MED13: variants seen among roughly 807,000 people sequenced by gnomAD.
The protein encoded by MED13 is mediator of RNA polymerase II transcription subunit 13.
Under a neutral mutation model 225.2 loss-of-function variants are expected in MED13, and 23 were observed. The observed-to-expected ratio is 0.10, with a 90% CI of 0.07 to 0.14. MED13 has a LOEUF of 0.14. MED13 is among the 10% of genes least tolerant of loss of function. MED13 has a pLI of 1.00. For missense variants in MED13, 2,197 were observed against 2,594.5 expected, an observed-to-expected ratio of 0.85 and a Z score of 3.33; for synonymous variants, 942 against 889.2, an observed-to-expected ratio of 1.06 and a Z score of -1.06.
chr17:61,984,209 C>T lies in MED13; in HGVS notation c.2850G>A (p.Leu950=). 6.2e-7 allele frequency: 1 copy of T among 1,601,554 alleles called. No homozygotes were observed. Among genetic ancestry groups the T allele is most frequent in the Non-Finnish European group, 8.5e-7 (1 of 1,175,250 alleles). ...RQSWTVGKLE[L]LSSGPSMPFI... ...ATGGCATTGAAGGCCCTGAAGAAAGCAATTCCAATTTTCCAACAGTCCAAC... is the reference window on the plus strand; with the variant it reads ...ATGGCATTGAAGGCCCTGAAGAAAGTAATTCCAATTTTCCAACAGTCCAAC... The change falls in exon 15 of 30, where the codon TTG becomes TTA. Residue 950 remains leucine, a synonymous_variant. Coordinates refer to ENST00000397786, the MANE Select transcript of MED13 (RefSeq NM_005121.3).
At chr17:61,995,943 A>G (rs1389366710) in intron 9 of MED13, among the ~76,000 whole-genome samples, 2 of 152,214 alleles carry the variant, frequency 1.3e-5, no homozygotes, top group African/African-American at 4.8e-5. Context: ...CAGTGCAAGT[A>G]TCTGAGTTTT....
chr17:61,960,875 A>C lies in MED13; in HGVS notation c.5472T>G (p.Val1824=). ...LLETCIINID[V]PNRARRKKSS... is the part of the protein sequence containing the mutation. ...TAGGGAAATACAAATACCTATTTGG[A>C]ACATCGATGTTAATGATACAAGTTT... The change falls in exon 23 of 30, where the codon GTT becomes GTG. Residue 1824 remains valine (V), a synonymous_variant. Transcript: ENST00000397786. The C allele has an allele frequency of 3.1e-6, 5 of 1,597,414 alleles. No individual in the cohort carries two copies. The highest frequency in any genetic ancestry group is 4.3e-6 in the Non-Finnish European group (5 of 1,166,458).
At chr17:62,006,480 T>C (rs2080449980) in intron 9 of MED13, 1 of 152,174 alleles carries the variant, frequency 6.6e-6, no homozygotes, top group Non-Finnish European at 1.5e-5. Flanking sequence ...CTTCCAAAAA[T>C]TCCCCATCCA....
chr17:61,976,701 G>A lies in MED13; in HGVS notation c.3806-3813C>T, dbSNP rs766088256. Reference sequence around the variant, plus strand: ...TGTAATCCCAGCACTTTGGGAGGCCGAGGCAGGTGGATCACGAGGTCAGGA... The same window carrying A: ...TGTAATCCCAGCACTTTGGGAGGCCAAGGCAGGTGGATCACGAGGTCAGGA... On this transcript the variant is annotated intron_variant, in intron 16 of 29. Transcript: ENST00000397786. Among the ~76,000 whole-genome samples the A allele has an allele frequency of 7.9e-5, 12 of 152,234 alleles. No homozygotes were observed. In the East Asian group the frequency reaches 1.5e-3, roughly 20 times the overall value.
chr17:62,000,238 C>T (rs977099094), intron 9 of MED13, among the ~76,000 whole-genome samples: 108 of 152,216 alleles, frequency 7.1e-4, no homozygotes, highest in African/African-American at 2.4e-3. Context: ...TTTCTCCTAC[C>T]GTAATTTTCT....
rs2080218930 is a variant in MED13 at position 61,983,086 on chromosome 17, C to T, written c.2917G>A (p.Gly973Ser). ...GDGSNMDQEY[G>S]TAYTPQTHTS... ...TGAGTTTGAGGTGTATAAGCAGTGC[C>T]ATATTCTTGATCCATATTACTTCCA... Residue 973 changes from glycine to serine, a missense_variant, in exon 16 of 30, where the codon GGC (glycine) becomes AGC (serine). Transcript: ENST00000397786. 1 of 1,611,054 alleles carries T rather than the reference C, an allele frequency of 6.2e-7. No homozygotes were observed. The highest frequency in any genetic ancestry group is 8.5e-7 in the Non-Finnish European group (1 of 1,178,406).
chr17:61,984,920 T>C, intron 13 of MED13, 55 bp from the exon 14 acceptor site: 10 of 1,595,638 alleles, frequency 6.3e-6, no homozygotes, highest in Non-Finnish European at 8.6e-6. Context: ...CGAATCTGTG[T>C]TTAAACCAAA....
At position 62,057,536 on chromosome 17, in the gene MED13, T is replaced by C. The variant is rs4531801; in HGVS notation, c.302-4831A>G. Among the ~76,000 whole-genome samples, 969 of 151,090 alleles carry C rather than the reference T, an allele frequency of 6.4e-3. 9 individuals are homozygous for C. Among genetic ancestry groups the C allele is most frequent in the African/African-American group, 0.022 (915 of 41,556 alleles). On this transcript the variant is annotated intron_variant, in intron 2 of 29. Coordinates refer to ENST00000397786, the MANE Select transcript of MED13 (RefSeq NM_005121.3). ...GAAATAAATTACTCTCTTTAGACTA[T>C]GTGGGGCACACAACAATGTTTTAGT...
At position 62,058,222 on chromosome 17, in the gene MED13, A is replaced by T. The variant is rs181910279; in HGVS notation, c.301+4845T>A. ...AACAAAGCTACAAAATACAATTTTT[A>T]AAAAAAAGGGGCCAGGCATGGTGGC... On this transcript the variant is annotated intron_variant, in intron 2 of 29. Transcript: ENST00000397786. 4.4e-3 allele frequency among the ~76,000 whole-genome samples: 662 copies of T among 152,002 alleles called. 2 individuals carry two copies. The highest frequency in any genetic ancestry group is 5.9e-3 in the Non-Finnish European group (403 of 67,944).
At chr17:62,034,582 ACTAAGAAAAAGCATT>A (rs1229839621) in intron 4 of MED13, among the ~76,000 whole-genome samples, 1 of 152,082 alleles carries the variant, frequency 6.6e-6, no homozygotes, top group Non-Finnish European at 1.5e-5. Flanking sequence ...TTTGACTCCC[ACTAAGAAAAAGCATT>A]CTAAGAAAAA....
intron 4 of MED13, among the ~76,000 whole-genome samples, chr17:62,034,656 T>C (rs2080787035): frequency 6.6e-6 from 1 of 152,176 alleles, no homozygotes. Context: ...ATATTTATAA[T>C]GTACTGCCAT....
chr17:61,949,514 G>A (rs2079878967), intron 28 of MED13, among the ~76,000 whole-genome samples: 2 of 151,686 alleles, frequency 1.3e-5, no homozygotes, highest in Non-Finnish European at 2.9e-5. Context: ...GGGGTGAATC[G>A]CTGTGCCCAG....
rs376825366 is a variant in MED13 at position 61,998,560 on chromosome 17, CAAAT to C, written c.1968-3199_1968-3196del. Among the ~76,000 whole-genome samples the C allele has an allele frequency of 6.4e-3, 915 of 143,620 alleles. 11 individuals are homozygous for C. The highest frequency in any genetic ancestry group is 0.022 in the African/African-American group (846 of 39,086). The allele number at this position is 143,620 out of a possible 152,430, so 94.2% of individuals were successfully genotyped here. On this transcript the variant is annotated intron_variant, in intron 9 of 29. Coordinates refer to ENST00000397786, the MANE Select transcript of MED13 (RefSeq NM_005121.3). Reference sequence around the variant, plus strand: ...AAGCTACAGACGGAAAGTTAAGAAACAAATGAATGCAATAATGTCAAAATCTTCC... The same window carrying C: ...AAGCTACAGACGGAAAGTTAAGAAACGAATGCAATAATGTCAAAATCTTCC...
chr17:62,019,743 T>C (rs2080619531), intron 8 of MED13, among the ~76,000 whole-genome samples: 1 of 151,396 alleles, frequency 6.6e-6, no homozygotes, highest in Admixed American at 6.6e-5. Flanking sequence ...AATTTCTTTT[T>C]TTCTTTTTTT....
In MED13 at chr17:62,033,935, G is replaced by C; in HGVS notation, c.666C>G (p.Phe222Leu). The change falls in exon 5 of 30, where the codon TTC (phenylalanine) becomes TTG (leucine). Residue 222 changes from phenylalanine (F) to leucine (L), a missense_variant. Phe to Leu is a conservative substitution (Grantham distance 22). Coordinates refer to ENST00000397786, the MANE Select transcript of MED13 (RefSeq NM_005121.3). ...TTTTTGTAGCTGAATCAGACATCTT[G>C]AATGCCTGTCCTGTGAGAGTGCCAT... ...GLNGTLTGQA[F>L]KMSDSATKKL... is the part of the protein sequence containing the mutation. The C allele has an allele frequency of 6.2e-6, 10 of 1,614,052 alleles. No homozygotes were observed. Among genetic ancestry groups the C allele is most frequent in the Non-Finnish European group, 8.5e-6 (10 of 1,179,990 alleles).
At chr17:62,008,234 G>A (rs980923288) in intron 9 of MED13, among the ~76,000 whole-genome samples, 2 of 148,134 alleles carry the variant, frequency 1.4e-5, no homozygotes, top group Non-Finnish European at 3.0e-5. Context: ...CAGGAGAATG[G>A]TGTGAACCAG....
intron 16 of MED13, among the ~76,000 whole-genome samples, chr17:61,979,417 C>T (rs2080184606): frequency 6.6e-6 from 1 of 152,142 alleles, no homozygotes; most frequent in Non-Finnish European, 1.5e-5. Context: ...TCAAGCTATA[C>T]TCCCACCTCA....
rs775878733 is a variant in MED13, at chr17:62,052,636, T to C, written c.371A>G (p.His124Arg). 6.2e-7 allele frequency: 1 copy of C among 1,603,674 alleles called. No homozygotes were observed. Among genetic ancestry groups the C allele is most frequent in the Non-Finnish European group, 8.5e-7 (1 of 1,173,918 alleles). The change falls in exon 3 of 30, where the codon CAC becomes CGC. Residue 124 changes from histidine (H) to arginine (R), a missense_variant. His to Arg is a conservative substitution (Grantham distance 29). Transcript: ENST00000397786. ...ECRTLLFKAVHNLLERCLMNR... is the reference protein window; with the variant it reads ...ECRTLLFKAVRNLLERCLMNR... ...CATTAAACACCGTTCCAATAGATTG[T>C]GAACTGCTTTGAAAAGCAGAGTACG... is the stretch of plus-strand genomic sequence containing the variant.
At position 61,955,855 on chromosome 17, in the gene MED13, T is replaced by TATAAA; in HGVS notation, c.5624-18_5624-17insTTTAT. The TATAAA allele has an allele frequency of 4.9e-6, 4 of 814,374 alleles. No individual in the cohort carries two copies. The African/African-American group carries it at 1.7e-4, about 35-fold the overall frequency. The allele number at this position is 814,374 out of a possible 1,614,324, so 50.4% of individuals were successfully genotyped here. On this transcript the variant is annotated splice_polypyrimidine_tract_variant and intron_variant, in intron 24 of 29. Transcript: ENST00000397786. ...AGCTCCAATCTGTGGGTATCAACAG[T>TATAAA]AAAAAAAAAAAAAAAAAAAAAAAAA...
Sources: gnomAD v4.1 joint callset for allele counts (sites outside exome capture counted in the v4.1 genomes callset) on GRCh38, gnomAD v4.1.1 for gene constraint, MANE v1.5 for transcripts, NCBI Gene and HGNC (gene_info 2026-07-23, HGNC 2026-07-21) for gene names.